Variants in APTX observed in about 807,000 individuals in gnomAD.
APTX encodes the protein forkhead-associated domain histidine triad-like protein.
APTX carries 33 observed loss-of-function variants against 42.3 expected under a neutral mutation model. That is an observed-to-expected ratio of 0.78 (90% CI 0.59 to 1.04). APTX has a LOEUF of 1.04. Ranked by LOEUF, APTX falls within the 50% of genes least tolerant of loss-of-function variation. The probability of loss-of-function intolerance (pLI) is 0.00; values close to 1 mark genes in which losing one functional copy is unlikely to be tolerated. For missense variants in APTX, 421 were observed against 415.1 expected (o/e 1.01, Z -0.12); for synonymous variants, 130 against 146.7 (o/e 0.89, Z 0.82).
chr9:33,024,038 G>T (rs888358590), intron 1 of APTX, among the ~76,000 whole-genome samples: 2 of 152,202 alleles, frequency 1.3e-5, no homozygotes, highest in Non-Finnish European at 2.9e-5. Context: ...CTTTCCCAAA[G>T]AAATTCTCTC....
intron 1 of APTX, among the ~76,000 whole-genome samples, chr9:32,990,516 T>C (rs1833346820): frequency 1.3e-5 from 2 of 152,252 alleles, no homozygotes; most frequent in Non-Finnish European, 1.5e-5. Flanking sequence ...GGCTACATAT[T>C]GAAAGTCAAA....
At chr9:33,003,652 A>C (rs1473066939), upstream of APTX, among the ~76,000 whole-genome samples, 1 of 152,122 alleles carries the variant, frequency 6.6e-6, no homozygotes, top group Non-Finnish European at 1.5e-5. Flanking sequence ...CTCCGTATCG[A>C]TTAAATAGCT....
chr9:32,991,122 C>T (rs1833515372), intron 1 of APTX, among the ~76,000 whole-genome samples: 1 of 152,118 alleles, frequency 6.6e-6, no homozygotes, highest in Non-Finnish European at 1.5e-5. Flanking sequence ...GACTAGGTTT[C>T]TCCATGTTGG....
chr9:33,011,805 G>C (rs76316357), intron 1 of APTX, among the ~76,000 whole-genome samples: 10,737 of 152,132 alleles, frequency 0.071, 514 homozygotes, highest in Non-Finnish European at 0.11. Context: ...ACAGCTGCAG[G>C]ACACGCTCAC....
chr9:33,023,569 T>C (rs1382737285), intron 1 of APTX, among the ~76,000 whole-genome samples: 1 of 152,196 alleles, frequency 6.6e-6, no homozygotes, highest in East Asian at 1.9e-4. Flanking sequence ...CACTGCCTGG[T>C]AATATTAGAC....
Position 32,992,327 on chromosome 9 carries a change from T to C in APTX, c.-4-2432A>G, listed in dbSNP as rs544324238. ...AGTGAGCAAATGACAGCTGAGGAGA[T>C]GCAAATTCAAATGAATAAGATTAGT... is the stretch of plus-strand genomic sequence containing the variant. On this transcript the variant is annotated intron_variant, in intron 1 of 7. Transcript: ENST00000379817. Among the ~76,000 whole-genome samples the C allele has an allele frequency of 4.6e-5, 7 of 152,358 alleles. No homozygotes were observed. In the East Asian group the frequency reaches 1.2e-3, roughly 25 times the overall value.
chr9:32,984,993 G>A (rs1831594211), intron 5 of APTX, 136 bp from the exon 6 acceptor site: 1 of 785,014 alleles, frequency 1.3e-6, no homozygotes, highest in Non-Finnish European at 2.2e-6. Flanking sequence ...TGAGAGAGGA[G>A]AGCACTGAAA....
intron 1 of APTX, among the ~76,000 whole-genome samples, chr9:33,007,870 C>A (rs1388289317): frequency 2.6e-5 from 4 of 151,976 alleles, no homozygotes; most frequent in Non-Finnish European, 5.9e-5. Flanking sequence ...AAGACTGAGC[C>A]CAGGCTGCCC....
chr9:32,979,631 A>G (rs1324954869), intron 6 of APTX: 1 of 157,960 alleles, frequency 6.3e-6, no homozygotes, highest in African/African-American at 2.4e-5. Context: ...ACATTTGCAC[A>G]TGTGAACAAG....
chr9:32,973,510 G>C lies in APTX; in HGVS notation c.1017C>G (p.His339Gln). The change falls in exon 8 of 8, where the codon CAC (histidine) becomes CAG (glutamine). Residue 339 changes from histidine to glutamine, a missense_variant. By Grantham distance (24) the His-to-Gln change is conservative. Coordinates refer to ENST00000379817, the MANE Select transcript of APTX (RefSeq NM_001195248.2). ...AGGCTCTGCAGAATCACTGTGTCCA[G>C]TGCTTCCTGAGATGTTCTTTCAGCT... Reference protein sequence around the residue: ...IPQLKEHLRKHWTQ With the variant: ...IPQLKEHLRKQWTQ The C allele has an allele frequency of 6.2e-7, 1 of 1,614,116 alleles. No individual in the cohort carries two copies. The highest frequency in any genetic ancestry group is 8.5e-7 in the Non-Finnish European group (1 of 1,180,028).
At chr9:32,985,275 A>G (rs10971266) in intron 5 of APTX, among the ~76,000 whole-genome samples, 10,677 of 151,962 alleles carry the variant, frequency 0.07, 512 homozygotes, top group Non-Finnish European at 0.11. Context: ...CCCCTTGTCA[A>G]CAAGGAATAT....
At chr9:33,009,273 GAAGA>G (rs61156378) in intron 1 of APTX, among the ~76,000 whole-genome samples, 5,932 of 152,142 alleles carry the variant, frequency 0.039, 337 homozygotes, top group African/African-American at 0.13. Context: ...TAAACATTAA[GAAGA>G]AAGGCACAGG....
intron 1 of APTX, among the ~76,000 whole-genome samples, chr9:32,993,274 C>T (rs180804429): frequency 6.6e-5 from 10 of 152,304 alleles, no homozygotes; most frequent in East Asian, 1.9e-4. Flanking sequence ...GACTGCACAA[C>T]AGTTATGTAA....
intron 1 of APTX, among the ~76,000 whole-genome samples, chr9:33,007,763 G>T (rs1837261237): frequency 6.6e-6 from 1 of 151,032 alleles, no homozygotes; most frequent in Non-Finnish European, 1.5e-5. Context: ...TAATGAAAAC[G>T]ATATTAAAAA....
At chr9:32,999,240 G>A (rs1835694758) in intron 1 of APTX, among the ~76,000 whole-genome samples, 1 of 152,170 alleles carries the variant, frequency 6.6e-6, no homozygotes, top group South Asian at 2.1e-4. Flanking sequence ...GGTGACCTTG[G>A]GGTGAAATTT....
Position 33,012,602 on chromosome 9 carries a change from A to G in APTX, c.-5+12421T>C, listed in dbSNP as rs537621899. 2.0e-5 allele frequency among the ~76,000 whole-genome samples: 3 copies of G among 152,312 alleles called. No homozygotes were observed. In the South Asian group the frequency reaches 6.2e-4, roughly 32 times the overall value. On this transcript the variant is annotated intron_variant, in intron 1 of 6. Coordinates refer to the APTX transcript ENST00000436040. ...CTTAGCCACATGAAGGAGAGGTCCCAGCAGAGCTCCCAGCCAGTAACAGCC... is the reference window on the plus strand; with the variant it reads ...CTTAGCCACATGAAGGAGAGGTCCCGGCAGAGCTCCCAGCCAGTAACAGCC...
At chr9:33,000,616 ACT>A (rs1229981368) in intron 1 of APTX, among the ~76,000 whole-genome samples, 2 of 125,156 alleles carry the variant, frequency 1.6e-5, no homozygotes, top group East Asian at 2.4e-4. Context: ...ACAGAGTGAG[ACT>A]CTGTCTCAAA....
chr9:33,000,643 A>G (rs75735003), intron 1 of APTX, among the ~76,000 whole-genome samples: 4,503 of 145,884 alleles, frequency 0.031, 88 homozygotes, highest in East Asian at 0.086. Context: ...AAAAAAAAAA[A>G]AAAAGAAAAG....
intron 1 of APTX, among the ~76,000 whole-genome samples, chr9:33,022,002 C>T (rs7864363): frequency 1.3e-5 from 2 of 150,376 alleles, no homozygotes. Flanking sequence ...AGTACTAGAC[C>T]TAACCTGTAA....
Sources: gnomAD v4.1 joint callset for allele counts (sites outside exome capture counted in the v4.1 genomes callset) on GRCh38, gnomAD v4.1.1 for gene constraint, MANE v1.5 for transcripts, NCBI Gene and HGNC (gene_info 2026-07-23, HGNC 2026-07-21) for gene names.